The following ZNF829 variants were observed in gnomAD, a reference collection of about 807,000 sequenced individuals.
ZNF829 encodes the protein zinc finger protein 829.
A neutral mutation model predicts 35.2 loss-of-function variants in ZNF829; 25 were observed. The observed-to-expected ratio is 0.71, with a 90% CI of 0.52 to 0.99. The LOEUF (loss-of-function observed/expected upper bound fraction) is 0.99. Ranked by LOEUF, ZNF829 falls within the 50% of genes least tolerant of loss-of-function variation. ZNF829 has a pLI of 0.00. For missense variants in ZNF829, 417 were observed against 515.3 expected (o/e 0.81, Z 1.85); for synonymous variants, 136 against 163.2 (o/e 0.83, Z 1.27).
chr19:36,909,184 G>A (rs1333001312), intron 3 of ZNF829, among the ~76,000 whole-genome samples: 2 of 152,078 alleles, frequency 1.3e-5, no homozygotes, highest in Non-Finnish European at 2.9e-5. Flanking sequence ...AACATCATCC[G>A]GCAGCAGACT....
chr19:36,891,791 T>C lies in ZNF829; in HGVS notation c.1000A>G (p.Asn334Asp). Reference protein sequence around the residue: ...YECKQCGKAFNSASTLTNHHR... With the variant: ...YECKQCGKAFDSASTLTNHHR... Reference sequence around the variant, plus strand: ...TGGTTAGTAAGTGTTGAGGCACTATTAAAGGCCTTCCCACACTGCTTACAT... The same window carrying C: ...TGGTTAGTAAGTGTTGAGGCACTATCAAAGGCCTTCCCACACTGCTTACAT... Residue 334 changes from asparagine (N) to aspartate (D), a missense_variant, in exon 6 of 6, where the codon AAT becomes GAT. By Grantham distance (23) the Asn-to-Asp change is conservative. Coordinates refer to ENST00000391711, the MANE Select transcript of ZNF829 (RefSeq NM_001037232.4). 1 of 1,614,132 alleles carries C rather than the reference T, an allele frequency of 6.2e-7. No individual in the cohort carries two copies. Among genetic ancestry groups the C allele is most frequent in the Non-Finnish European group, 8.5e-7 (1 of 1,180,030 alleles).
chr19:36,911,245 T>C, intron 3 of ZNF829, among the ~76,000 whole-genome samples: 1 of 150,918 alleles, frequency 6.6e-6, no homozygotes. Context: ...CTGAGTCTAC[T>C]CCATCACCCA....
intron 5 of ZNF829, among the ~76,000 whole-genome samples, chr19:36,900,145 AACACACACACACACACAC>A (rs56218050): frequency 2.7e-4 from 32 of 120,500 alleles, no homozygotes; most frequent in South Asian, 1.5e-3. Context: ...GTCTCTACTA[AACACACACACACACACAC>A]ACACACACAC....
intron 5 of ZNF829, among the ~76,000 whole-genome samples, chr19:36,900,983 A>T (rs2073160935): frequency 6.6e-6 from 1 of 152,234 alleles, no homozygotes; most frequent in Non-Finnish European, 1.5e-5. Flanking sequence ...CAACTGGCTA[A>T]ACACAGAGTT....
intron 1 of ZNF829, chr19:36,915,791 T>G (rs2073319135): frequency 7.0e-7 from 1 of 1,430,170 alleles, no homozygotes; most frequent in Non-Finnish European, 9.5e-7. Flanking sequence ...GAGATGGGGT[T>G]TCACCATGTT....
chr19:36,909,635 C>T (rs2073246574), intron 3 of ZNF829, among the ~76,000 whole-genome samples: 3 of 151,850 alleles, frequency 2.0e-5, no homozygotes, highest in Admixed American at 1.3e-4. Flanking sequence ...GATGAAACCC[C>T]GTGTCTACTT....
chr19:36,908,473 C>T lies in ZNF829; in HGVS notation c.97-14G>A. On this transcript the variant is annotated splice_polypyrimidine_tract_variant and intron_variant, in intron 3 of 5. Coordinates refer to ENST00000391711, the MANE Select transcript of ZNF829 (RefSeq NM_001037232.4). ...CATCACCGGCCCCTGAAACAACAAA[C>T]ATGCTTTCACAATGAAAGGAGAAAA... 6.3e-7 allele frequency: 1 copy of T among 1,582,184 alleles called. No homozygotes were observed.
chr19:36,915,322 T>TA lies in ZNF829; in HGVS notation c.-84-72dup, dbSNP rs1159084976. On this transcript the variant is annotated intron_variant, in intron 1 of 5. Transcript: ENST00000391711. ...CCATACTCATACACAGAATGCCACA[T>TA]ACATTTAGGGACAGTCACACTTAAG... The TA allele has an allele frequency of 4.0e-6, 6 of 1,511,198 alleles. No individual in the cohort carries two copies. The African/African-American group carries it at 7.0e-5, about 18-fold the overall frequency. The allele number at this position is 1,511,198 out of a possible 1,614,324, so 93.6% of individuals were successfully genotyped here.
rs569724573 is a variant in ZNF829 at position 36,888,490 on chromosome 19, C to T, written c.*3002G>A. The T allele has an allele frequency of 3.3e-5, 5 of 152,312 alleles. No individual in the cohort carries two copies. In the East Asian group the frequency reaches 9.6e-4, roughly 29 times the overall value. The allele number at this position is 152,312 out of a possible 1,614,324, so 9.4% of individuals were successfully genotyped here. On this transcript the variant is annotated 3_prime_UTR_variant, in exon 6 of 6. Coordinates refer to ENST00000391711, the MANE Select transcript of ZNF829 (RefSeq NM_001037232.4). ...AAATTCTTGTGATCTTTCTACTCTG[C>T]ACTCTGAAATCCACAGTAACTTATT...
chr19:36,910,350 G>C (rs912479710), intron 3 of ZNF829, among the ~76,000 whole-genome samples: 3 of 152,186 alleles, frequency 2.0e-5, no homozygotes, highest in African/African-American at 7.2e-5. Context: ...CTCCCAAAGT[G>C]CTGGGATGAC....
At chr19:36,907,805 A>C in intron 5 of ZNF829, 124 bp downstream of exon 5, 1 of 652,532 alleles carries the variant, frequency 1.5e-6, no homozygotes, top group African/African-American at 2.1e-5. Flanking sequence ...AAGTATGAGA[A>C]AAAAAAAAAA....
intron 5 of ZNF829, among the ~76,000 whole-genome samples, chr19:36,893,908 A>G (rs1350317168): frequency 6.6e-6 from 1 of 152,152 alleles, no homozygotes; most frequent in African/African-American, 2.4e-5. Flanking sequence ...CTGAAAATCT[A>G]AACTCCTTGG....
intron 5 of ZNF829, among the ~76,000 whole-genome samples, chr19:36,897,569 T>C (rs1196394615): frequency 6.6e-6 from 1 of 152,064 alleles, no homozygotes; most frequent in Non-Finnish European, 1.5e-5. Flanking sequence ...AGACCATATA[T>C]GACAAACGTA....
chr19:36,891,373 A>G lies in ZNF829; in HGVS notation c.*119T>C. 1 of 1,035,074 alleles carries G rather than the reference A, an allele frequency of 9.7e-7. No individual in the cohort carries two copies. The highest frequency in any genetic ancestry group is 2.8e-5 in the East Asian group (1 of 35,930). The allele number at this position is 1,035,074 out of a possible 1,614,324, so 64.1% of individuals were successfully genotyped here. ...TTGGTACTTGGTACTTTGTTATCGT[A>G]TCGTTTAAAAACGAATACATAGGAG... On this transcript the variant is annotated 3_prime_UTR_variant, in exon 6 of 6. Transcript: ENST00000391711.
At chr19:36,900,715 G>C (rs996320199) in intron 5 of ZNF829, among the ~76,000 whole-genome samples, 2 of 152,002 alleles carry the variant, frequency 1.3e-5, no homozygotes, top group African/African-American at 4.8e-5. Flanking sequence ...GGGTGTGGTG[G>C]CATGAGCATG....
At position 36,892,310 on chromosome 19, in the gene ZNF829, A is replaced by T. The variant is rs1243708303; in HGVS notation, c.481T>A (p.Cys161Ser). Residue 161 changes from cysteine (C) to serine (S), a missense_variant, in exon 6 of 6, where the codon TGT becomes AGT. Cys to Ser is a moderately radical substitution (Grantham distance 112). Coordinates refer to ENST00000391711, the MANE Select transcript of ZNF829 (RefSeq NM_001037232.4). ...SEEKPWECKI[C>S]GKTFNQNSQF... is the part of the protein sequence containing the mutation. ...GAGTTTTGATTAAAGGTCTTTCCAC[A>T]TATCTTACATTCCCATGGTTTCTCT... 2 of 1,613,836 alleles carry T rather than the reference A, an allele frequency of 1.2e-6. No individual in the cohort carries two copies. The highest frequency in any genetic ancestry group is 2.2e-5 in the East Asian group (1 of 44,870).
At chr19:36,895,852 A>C (rs752725718) in intron 5 of ZNF829, among the ~76,000 whole-genome samples, 2 of 152,088 alleles carry the variant, frequency 1.3e-5, no homozygotes, top group Non-Finnish European at 2.9e-5. Flanking sequence ...CAGATATATA[A>C]GCAAATATTA....
chr19:36,899,765 AAAAAG>A (rs201112071), intron 5 of ZNF829, among the ~76,000 whole-genome samples: 1,539 of 151,246 alleles, frequency 0.01, 5 homozygotes, highest in African/African-American at 0.013. Context: ...AAACAAAAAA[AAAAAG>A]AAAGAAGAAA....
chr19:36,888,744 G>C lies in ZNF829; in HGVS notation c.*2748C>G, dbSNP rs2073022012. Reference sequence around the variant, plus strand: ...GTCTGGCTTTGTTGCTCCCCCGGCTGGAGTGCAATGGCATAATCTCGGCTC... The same window carrying C: ...GTCTGGCTTTGTTGCTCCCCCGGCTCGAGTGCAATGGCATAATCTCGGCTC... On this transcript the variant is annotated 3_prime_UTR_variant, in exon 6 of 6. Transcript: ENST00000391711. The C allele has an allele frequency of 6.6e-6, 1 of 151,910 alleles. No homozygotes were observed. The highest frequency in any genetic ancestry group is 2.4e-5 in the African/African-American group (1 of 41,316). The allele number at this position is 151,910 out of a possible 1,614,324, so 9.4% of individuals were successfully genotyped here. A position where few individuals can be genotyped will look rare whatever the true frequency, so the allele number is the denominator to read the frequency against.
Sources: gnomAD v4.1 joint callset for allele counts (sites outside exome capture counted in the v4.1 genomes callset) on GRCh38, gnomAD v4.1.1 for gene constraint, MANE v1.5 for transcripts, NCBI Gene and HGNC (gene_info 2026-07-23, HGNC 2026-07-21) for gene names.